The following CUL3 variants were observed in gnomAD, a reference collection of about 807,000 sequenced individuals.
The protein encoded by CUL3 is cullin-3.
A neutral mutation model predicts 89.1 loss-of-function variants in CUL3; 19 were observed. The ratio of observed to expected loss-of-function variants is 0.21; its 90% CI spans 0.15 to 0.31. CUL3 has a LOEUF of 0.31. CUL3 is among the 10% of genes least tolerant of loss of function. The pLI is 1.00. For synonymous variants in CUL3, 351 were observed against 308.4 expected, an observed-to-expected ratio of 1.14 and a Z score of -1.45; for missense variants, 469 against 942.3, an observed-to-expected ratio of 0.50 and a Z score of 6.58.
chr2:224,535,765 T>C (rs1235542089), intron 2 of CUL3, 124 bp from the exon 3 acceptor site: 9 of 671,868 alleles, frequency 1.3e-5, no homozygotes, highest in African/African-American at 5.4e-5. Context: ...AGAAATGTTA[T>C]AGGCTAGTAG....
At chr2:224,527,549 C>A (rs1008530410) in intron 3 of CUL3, among the ~76,000 whole-genome samples, 2 of 152,210 alleles carry the variant, frequency 1.3e-5, no homozygotes, top group African/African-American at 4.8e-5. Flanking sequence ...AATGAGCAAT[C>A]TGACACACTC....
chr2:224,507,680 C>T (rs1692651507), intron 6 of CUL3, among the ~76,000 whole-genome samples: 1 of 152,090 alleles, frequency 6.6e-6, no homozygotes, highest in Non-Finnish European at 1.5e-5. Flanking sequence ...GTCTATCTCA[C>T]TATACTTTTT....
chr2:224,495,986 AT>A lies in CUL3; in HGVS notation c.1708-21del, dbSNP rs747677146. 1 of 1,609,252 alleles carries A rather than the reference AT, an allele frequency of 6.2e-7. No individual in the cohort carries two copies. Among genetic ancestry groups the A allele is most frequent in the Admixed American group, 1.7e-5 (1 of 58,736 alleles). On this transcript the variant is annotated intron_variant, in intron 12 of 15. Coordinates refer to ENST00000264414, the MANE Select transcript of CUL3 (RefSeq NM_003590.5). ...ATCTTCCTGTTTCATTTTTAAAAAA[AT>A]ATAAACAAAGACACAATCATTTCCT...
chr2:224,534,918 G>A (rs554532694), intron 3 of CUL3, among the ~76,000 whole-genome samples: 15 of 151,646 alleles, frequency 9.9e-5, no homozygotes, highest in East Asian at 3.9e-4. Flanking sequence ...GGAGAATGGC[G>A]TGAACCCGGG....
intron 3 of CUL3, among the ~76,000 whole-genome samples, chr2:224,516,065 A>G (rs1354846524): frequency 6.6e-6 from 1 of 152,034 alleles, no homozygotes; most frequent in Non-Finnish European, 1.5e-5. Context: ...TTCTCCTTTC[A>G]TTCATCTTGT....
At chr2:224,519,563 A>G (rs1035784853) in intron 3 of CUL3, among the ~76,000 whole-genome samples, 4 of 152,226 alleles carry the variant, frequency 2.6e-5, no homozygotes, top group African/African-American at 9.6e-5. Context: ...TTCATTATAG[A>G]TAAAAAAGAG....
intron 1 of CUL3, among the ~76,000 whole-genome samples, chr2:224,581,626 C>T (rs1162005799): frequency 6.6e-6 from 1 of 150,898 alleles, no homozygotes; most frequent in African/African-American, 2.4e-5. Context: ...CCTTAGCCTC[C>T]CGAGCAGCTG....
intron 2 of CUL3, among the ~76,000 whole-genome samples, chr2:224,551,205 A>ATTTTTTT (rs1211420165): frequency 7.5e-6 from 1 of 134,000 alleles, no homozygotes; most frequent in Non-Finnish European, 1.6e-5. Context: ...AAGCCCGGCA[A>ATTTTTTT]TTTTTTTTTT....
chr2:224,546,757 C>T (rs1428370952), intron 2 of CUL3, among the ~76,000 whole-genome samples: 1 of 152,004 alleles, frequency 6.6e-6, no homozygotes, highest in Non-Finnish European at 1.5e-5. Context: ...GTTAAAACAA[C>T]ACTTTTAAGC....
At chr2:224,508,503 T>C (rs980481895) in intron 6 of CUL3, among the ~76,000 whole-genome samples, 1 of 152,228 alleles carries the variant, frequency 6.6e-6, no homozygotes, top group Non-Finnish European at 1.5e-5. Context: ...TCCTATGTTG[T>C]TGTAAGTTTT....
chr2:224,572,511 T>C (rs1043773373), intron 1 of CUL3, among the ~76,000 whole-genome samples: 1 of 150,246 alleles, frequency 6.7e-6, no homozygotes, highest in African/African-American at 2.5e-5. Context: ...GCTGCTGACC[T>C]GCACCTGTCG....
chr2:224,517,401 G>C (rs928043687), intron 3 of CUL3, among the ~76,000 whole-genome samples: 29 of 152,214 alleles, frequency 1.9e-4, no homozygotes, highest in Admixed American at 1.7e-3. Context: ...GGCCAGGTGC[G>C]GTGGCTCACG....
chr2:224,580,690 G>GA lies in CUL3; in HGVS notation c.66+4253dup, dbSNP rs1026968658. Among the ~76,000 whole-genome samples the GA allele has an allele frequency of 6.4e-3, 927 of 145,050 alleles. 11 individuals are homozygous for GA. The highest frequency in any genetic ancestry group is 0.021 in the African/African-American group (845 of 39,576). On this transcript the variant is annotated intron_variant, in intron 1 of 15. Transcript: ENST00000264414. ...CAGAGCAAGACTCTGTCTCAAAAAA[G>GA]AAAAAAAAAATGCACTCAAAACACT...
At position 224,485,912 on chromosome 2, in the gene CUL3, G is replaced by A. The variant is rs1428073409; in HGVS notation, c.1843-3834C>T. ...TCTGGGACAAAGCTTCCAGAGGAAG[G>A]AGCAGGCAGCAATCTTTGCTGTTCT... On this transcript the variant is annotated intron_variant, in intron 13 of 15. Transcript: ENST00000264414. The surrounding 1 kb of genome is among the most constrained non-coding windows in gnomAD (Gnocchi z 4.1). Among the ~76,000 whole-genome samples, 1 of 152,194 alleles carries A rather than the reference G, an allele frequency of 6.6e-6. No individual in the cohort carries two copies. The highest frequency in any genetic ancestry group is 1.5e-5 in the Non-Finnish European group (1 of 68,032).
chr2:224,545,516 T>C (rs1694261201), intron 2 of CUL3, among the ~76,000 whole-genome samples: 1 of 152,240 alleles, frequency 6.6e-6, no homozygotes, highest in Non-Finnish European at 1.5e-5. Context: ...CCATTCTTAC[T>C]CTTTGCTTTA....
intron 14 of CUL3, 37 bp downstream of exon 14, chr2:224,481,855 T>C (rs373841352): frequency 1.9e-5 from 26 of 1,365,378 alleles, no homozygotes; most frequent in Non-Finnish European, 2.1e-5. Context: ...GAGAAAAATA[T>C]ATAATTTTTT....
Position 224,567,814 on chromosome 2 carries a change from T to TA in CUL3, c.67-9959dup, listed in dbSNP as rs1402848584. 5.3e-5 allele frequency among the ~76,000 whole-genome samples: 8 copies of TA among 151,958 alleles called. No homozygotes were observed. The East Asian group carries it at 1.5e-3, about 29-fold the overall frequency. On this transcript the variant is annotated intron_variant, in intron 1 of 15. Coordinates refer to ENST00000264414, the MANE Select transcript of CUL3 (RefSeq NM_003590.5). The stretch of plus-strand genomic sequence containing the variant: ...CTATGAACTCCAACCTCATGGAATC[T>TA]ACTTCCCTCAAAATCACAATCAAAA...
intron 10 of CUL3, among the ~76,000 whole-genome samples, chr2:224,501,736 G>GT (rs1415514592): frequency 3.9e-5 from 6 of 152,126 alleles, no homozygotes; most frequent in African/African-American, 1.4e-4. Context: ...GTGGAGAACT[G>GT]TTTATACATT....
At chr2:224,531,109 T>G (rs1424404814) in intron 3 of CUL3, among the ~76,000 whole-genome samples, 2 of 144,598 alleles carry the variant, frequency 1.4e-5, no homozygotes, top group Admixed American at 1.4e-4. Context: ...TTTTTTGAGA[T>G]AAGAGTCTTA....
Sources: gnomAD v4.1 joint callset for allele counts (sites outside exome capture counted in the v4.1 genomes callset) on GRCh38, gnomAD v4.1.1 for gene constraint, Gnocchi (gnomAD v3.1) non-coding constraint, MANE v1.5 for transcripts, NCBI Gene and HGNC (gene_info 2026-07-23, HGNC 2026-07-21) for gene names.